Variants in KIRREL3 observed in about 807,000 individuals in gnomAD.
KIRREL3 encodes the protein kin of IRRE-like protein 3.
A neutral mutation model predicts 89.7 loss-of-function variants in KIRREL3; 36 were observed. The observed-to-expected ratio is 0.40, with a 90% CI of 0.31 to 0.53. KIRREL3 has a LOEUF of 0.53. Among genes scored for constraint, KIRREL3 ranks in the 20% least tolerant of loss-of-function variants. KIRREL3 has a pLI of 0.49. For synonymous variants in KIRREL3, 445 were observed against 441.4 expected (o/e 1.01, Z -0.10); for missense variants, 864 against 1,056.6 (o/e 0.82, Z 2.53).
intron 1 of KIRREL3, among the ~76,000 whole-genome samples, chr11:126,732,293 T>C (rs1331846371): frequency 1.3e-5 from 2 of 152,230 alleles, no homozygotes; most frequent in Admixed American, 1.3e-4. Flanking sequence ...TACAAATGTA[T>C]ACATCATTTG....
intron 4 of KIRREL3, among the ~76,000 whole-genome samples, chr11:126,497,735 G>A (rs2134356559): frequency 6.6e-6 from 1 of 152,328 alleles, no homozygotes; most frequent in African/African-American, 2.4e-5. Flanking sequence ...CCACGCCAGT[G>A]CACATGGATG....
rs1278673128 is a variant in KIRREL3, at chr11:126,802,893, A to C, written c.55+197562T>G. ...AGCCTGTGGGAAAATTGGCTTTGTT[A>C]TATGGTGTTTTGCTCAAGGTTGTAG... On this transcript the variant is annotated intron_variant, in intron 1 of 16. Transcript: ENST00000525144. The surrounding 1 kb of genome is among the most constrained non-coding windows in gnomAD (Gnocchi z 5.2). Among the ~76,000 whole-genome samples the C allele has an allele frequency of 6.6e-6, 1 of 152,158 alleles. No homozygotes were observed. Among genetic ancestry groups the C allele is most frequent in the African/African-American group, 2.4e-5 (1 of 41,446 alleles).
In KIRREL3 at chr11:126,747,282, A is replaced by G. The variant is rs1338062612; in HGVS notation, c.56-184370T>C. Among the ~76,000 whole-genome samples the G allele has an allele frequency of 6.6e-6, 1 of 152,238 alleles. No homozygotes were observed. Among genetic ancestry groups the G allele is most frequent in the Non-Finnish European group, 1.5e-5 (1 of 68,048 alleles). The stretch of plus-strand genomic sequence containing the variant: ...TAACACAATCAGTGTATACTTACAA[A>G]GGCTGTTGTATGAGGATTAAATAAA... On this transcript the variant is annotated intron_variant, in intron 1 of 16. Transcript: ENST00000525144. This position sits in a 1 kb window ranked among gnomAD's most constrained non-coding sequence, Gnocchi z 4.7.
intron 2 of KIRREL3, among the ~76,000 whole-genome samples, chr11:126,552,646 T>C (rs1025566882): frequency 7.3e-6 from 1 of 136,576 alleles, no homozygotes; most frequent in Admixed American, 8.4e-5. Flanking sequence ...ACTGAACCTC[T>C]GCCTCCCGGG....
intron 1 of KIRREL3, among the ~76,000 whole-genome samples, chr11:126,757,886 T>C (rs1949555521): frequency 1.3e-5 from 2 of 152,358 alleles, no homozygotes; most frequent in South Asian, 4.1e-4. Flanking sequence ...CATGTGATAC[T>C]AGCCCCAAAG....
intron 1 of KIRREL3, among the ~76,000 whole-genome samples, chr11:126,665,506 T>C (rs190246334): frequency 6.6e-6 from 1 of 152,250 alleles, no homozygotes; most frequent in Non-Finnish European, 1.5e-5. Context: ...GATTAGGGCA[T>C]GAGGGTGGAG....
At chr11:126,665,461 G>A (rs148514760) in intron 1 of KIRREL3, among the ~76,000 whole-genome samples, 1 of 152,202 alleles carries the variant, frequency 6.6e-6, no homozygotes, top group African/African-American at 2.4e-5. Context: ...TCACCCCCGA[G>A]GTGATGCTAT....
Position 126,978,852 on chromosome 11 carries a change from C to G in KIRREL3, c.55+21603G>C, listed in dbSNP as rs1042840003. On this transcript the variant is annotated intron_variant, in intron 1 of 16. Coordinates refer to ENST00000525144, the MANE Select transcript of KIRREL3 (RefSeq NM_032531.4). This position sits in a 1 kb window ranked among gnomAD's most constrained non-coding sequence, Gnocchi z 4.2. ...CCTCTCTGCACCCGGGATGCTTATT[C>G]TCTTACCTGGCTTCCCTGTTATGCC... Among the ~76,000 whole-genome samples the G allele has an allele frequency of 2.6e-5, 4 of 152,202 alleles. No individual in the cohort carries two copies. The highest frequency in any genetic ancestry group is 7.2e-5 in the African/African-American group (3 of 41,458).
At chr11:126,449,793 T>C (rs1045557889) in intron 7 of KIRREL3, among the ~76,000 whole-genome samples, 22 of 152,322 alleles carry the variant, frequency 1.4e-4, no homozygotes, top group African/African-American at 5.1e-4. Context: ...AGCTCTCAGC[T>C]CTCCTGTCCT....
In KIRREL3 at chr11:126,752,843, C is replaced by A. The variant is rs559037992; in HGVS notation, c.56-189931G>T. On this transcript the variant is annotated intron_variant, in intron 1 of 16. Transcript: ENST00000525144. The surrounding 1 kb of genome is among the most constrained non-coding windows in gnomAD (Gnocchi z 4.8). ...AGCTGGAAAGGTGGTGTTGGAGGCA[C>A]GGAAATGTTGATGGAGAAAAGCCCT... 2.0e-5 allele frequency among the ~76,000 whole-genome samples: 3 copies of A among 152,262 alleles called. No homozygotes were observed. Among genetic ancestry groups the A allele is most frequent in the South Asian group, 4.1e-4 (2 of 4,824 alleles).
intron 1 of KIRREL3, among the ~76,000 whole-genome samples, chr11:126,581,731 C>T (rs1358452811): frequency 3.3e-5 from 5 of 152,058 alleles, no homozygotes; most frequent in Admixed American, 1.3e-4. Flanking sequence ...CTGTTATTAA[C>T]TGTAATCACC....
Position 126,997,193 on chromosome 11 carries a change from T to A in KIRREL3, c.55+3262A>T, listed in dbSNP as rs1278762101. 6.6e-6 allele frequency among the ~76,000 whole-genome samples: 1 copy of A among 152,082 alleles called. No homozygotes were observed. Among genetic ancestry groups the A allele is most frequent in the Non-Finnish European group, 1.5e-5 (1 of 68,010 alleles). On this transcript the variant is annotated intron_variant, in intron 1 of 16. Transcript: ENST00000525144. This position sits in a 1 kb window ranked among gnomAD's most constrained non-coding sequence, Gnocchi z 4.3. ...AATAGTTGTGGGTGAACTGAAATGA[T>A]AAAGAGGAAAAAATATAGCAAGTTC... is the stretch of plus-strand genomic sequence containing the variant.
chr11:126,965,771 A>G lies in KIRREL3; in HGVS notation c.55+34684T>C, dbSNP rs1443581406. On this transcript the variant is annotated intron_variant, in intron 1 of 16. Coordinates refer to ENST00000525144, the MANE Select transcript of KIRREL3 (RefSeq NM_032531.4). This position sits in a 1 kb window ranked among gnomAD's most constrained non-coding sequence, Gnocchi z 4.4. ...TTGGCCTTGTTGTTTTTCTCTGGAG[A>G]GTTAACATCAGAAAAGAGTGAGTGC... 6.6e-6 allele frequency among the ~76,000 whole-genome samples: 1 copy of G among 151,910 alleles called. No individual in the cohort carries two copies. Among genetic ancestry groups the G allele is most frequent in the African/African-American group, 2.4e-5 (1 of 41,338 alleles).
chr11:126,929,606 C>T (rs111613645), intron 1 of KIRREL3, among the ~76,000 whole-genome samples: 8 of 152,288 alleles, frequency 5.3e-5, no homozygotes, highest in African/African-American at 1.9e-4. Flanking sequence ...GCCAGAGAGG[C>T]CCCTGACCCA....
rs988036937 is a variant in KIRREL3, at chr11:126,689,532, C to T, written c.56-126620G>A. Among the ~76,000 whole-genome samples, 1 of 152,206 alleles carries T rather than the reference C, an allele frequency of 6.6e-6. No individual in the cohort carries two copies. The highest frequency in any genetic ancestry group is 2.1e-4 in the South Asian group (1 of 4,826). On this transcript the variant is annotated intron_variant, in intron 1 of 16. Transcript: ENST00000525144. The surrounding 1 kb of genome is among the most constrained non-coding windows in gnomAD (Gnocchi z 5.2). ...GATGAGTCTTCAGAGTTTCCAGCTG[C>T]CTTCTTGTCACCTGGCTCTACCTTA...
chr11:126,552,021 A>G (rs1476772599), intron 2 of KIRREL3, among the ~76,000 whole-genome samples: 1 of 152,210 alleles, frequency 6.6e-6, no homozygotes, highest in Admixed American at 6.5e-5. Flanking sequence ...TCCCCCTTCC[A>G]GGCATCTGGG....
At chr11:126,695,516 T>C (rs1565656612) in intron 1 of KIRREL3, among the ~76,000 whole-genome samples, 1 of 151,840 alleles carries the variant, frequency 6.6e-6, no homozygotes, top group Non-Finnish European at 1.5e-5. Flanking sequence ...AGTCCCCACC[T>C]TCTCTGCTCA....
chr11:126,975,910 C>CCCTCCCTT (rs1399383985), intron 1 of KIRREL3, among the ~76,000 whole-genome samples: 1 of 76,102 alleles, frequency 1.3e-5, no homozygotes, highest in Non-Finnish European at 2.4e-5. Context: ...CTCCCTTCCT[C>CCCTCCCTT]CCTCCCTTCC....
At position 126,719,488 on chromosome 11, in the gene KIRREL3, T is replaced by C. The variant is rs1437040408; in HGVS notation, c.56-156576A>G. On this transcript the variant is annotated intron_variant, in intron 1 of 16. Coordinates refer to ENST00000525144, the MANE Select transcript of KIRREL3 (RefSeq NM_032531.4). This position sits in a 1 kb window ranked among gnomAD's most constrained non-coding sequence, Gnocchi z 4.7. ...GCCTAGGTGATCTTACTTAGTCCCA[T>C]GGCTTTCATTCCACCCGCATGCTGA... is the stretch of plus-strand genomic sequence containing the variant. Among the ~76,000 whole-genome samples, 2 of 152,208 alleles carry C rather than the reference T, an allele frequency of 1.3e-5. No homozygotes were observed. Among genetic ancestry groups the C allele is most frequent in the East Asian group, 3.9e-4 (2 of 5,192 alleles).
Sources: allele counts gnomAD v4.1 joint callset (sites outside exome capture counted in the v4.1 genomes callset), GRCh38; gene constraint gnomAD v4.1.1; non-coding constraint Gnocchi (gnomAD v3.1); transcripts MANE v1.5; gene names NCBI Gene and HGNC (gene_info 2026-07-23, HGNC 2026-07-21).